The following ADGRV1 variants were observed in gnomAD, a reference collection of about 807,000 sequenced individuals.
ADGRV1 encodes adhesion G protein-coupled receptor V1, also known as G-protein coupled receptor 98.
Under a neutral mutation model 596.2 loss-of-function variants are expected in ADGRV1, and 359 were observed. The ratio of observed to expected loss-of-function variants is 0.60; its 90% CI spans 0.55 to 0.66. ADGRV1 has a LOEUF of 0.66. Ranked by LOEUF, ADGRV1 falls within the 30% of genes least tolerant of loss-of-function variation. ADGRV1 has a pLI of 0.00. For synonymous variants in ADGRV1, 2,681 were observed against 2,679.2 expected, an observed-to-expected ratio of 1.00 and a Z score of -0.02; for missense variants, 7,274 against 7,575.6, an observed-to-expected ratio of 0.96 and a Z score of 1.48.
intron 86 of ADGRV1, among the ~76,000 whole-genome samples, chr5:91,078,743 ATG>A (rs1255674611): frequency 1.3e-5 from 2 of 152,218 alleles, no homozygotes; most frequent in Non-Finnish European, 2.9e-5. Context: ...AGACATGGAC[ATG>A]TGAGTGAAGA....
chr5:90,684,710 G>A (rs759722673), intron 28 of ADGRV1, among the ~76,000 whole-genome samples: 1 of 152,026 alleles, frequency 6.6e-6, no homozygotes, highest in Non-Finnish European at 1.5e-5. Flanking sequence ...ATTTACAAGC[G>A]TCTCACCTCC....
chr5:90,704,028 A>G (rs970583603), intron 35 of ADGRV1, among the ~76,000 whole-genome samples: 20 of 152,150 alleles, frequency 1.3e-4, no homozygotes, highest in African/African-American at 4.8e-4. Context: ...TGGACTTTTA[A>G]TGACTAGTGT....
chr5:90,616,925 C>A (rs1368232461), intron 2 of ADGRV1, among the ~76,000 whole-genome samples: 1 of 152,214 alleles, frequency 6.6e-6, no homozygotes, highest in Non-Finnish European at 1.5e-5. Context: ...AACCACCATT[C>A]TACTCTCTAC....
At chr5:90,991,967 C>T (rs1436472626) in intron 85 of ADGRV1, among the ~76,000 whole-genome samples, 1 of 152,204 alleles carries the variant, frequency 6.6e-6, no homozygotes, top group Non-Finnish European at 1.5e-5. Flanking sequence ...TTGTCAGGAT[C>T]TCTTCATGCA....
At chr5:90,628,047 TAG>T in intron 7 of ADGRV1, 1 of 244,188 alleles carries the variant, frequency 4.1e-6, no homozygotes, top group Non-Finnish European at 7.8e-6. Context: ...ATTCATAGTA[TAG>T]TAGTTCCCTA....
intron 1 of ADGRV1, among the ~76,000 whole-genome samples, chr5:90,595,610 G>C (rs1180532549): frequency 9.4e-5 from 12 of 127,492 alleles, no homozygotes; most frequent in South Asian, 5.1e-4. Flanking sequence ...GCCGGGCGGG[G>C]GGCTGACCCC....
chr5:90,598,036 T>A (rs1049415821), intron 1 of ADGRV1, among the ~76,000 whole-genome samples: 2 of 152,228 alleles, frequency 1.3e-5, no homozygotes, highest in Non-Finnish European at 2.9e-5. Flanking sequence ...TGTATGAAGA[T>A]ATACTATTCA....
chr5:90,578,411 C>T (rs977346302), intron 1 of ADGRV1, among the ~76,000 whole-genome samples: 2 of 152,100 alleles, frequency 1.3e-5, no homozygotes, highest in Non-Finnish European at 2.9e-5. Context: ...TGATGGATTA[C>T]GTTTATTGAT....
At chr5:91,112,308 T>C (rs1358504315) in intron 87 of ADGRV1, among the ~76,000 whole-genome samples, 1 of 152,240 alleles carries the variant, frequency 6.6e-6, no homozygotes, top group Non-Finnish European at 1.5e-5. Flanking sequence ...CTGCTCTAAT[T>C]CGTGCTATCT....
At chr5:90,964,044 T>G (rs1778248101) in intron 83 of ADGRV1, among the ~76,000 whole-genome samples, 1 of 151,992 alleles carries the variant, frequency 6.6e-6, no homozygotes, top group South Asian at 2.1e-4. Context: ...TCACTGCAGA[T>G]CCTAATGAAT....
intron 85 of ADGRV1, among the ~76,000 whole-genome samples, chr5:90,990,728 C>T (rs181660243): frequency 1.1e-4 from 17 of 152,252 alleles, no homozygotes; most frequent in African/African-American, 3.6e-4. Context: ...TATAATTGGA[C>T]GGTGCTTAAA....
chr5:90,918,415 G>T (rs1006222230), intron 83 of ADGRV1, among the ~76,000 whole-genome samples: 1 of 152,100 alleles, frequency 6.6e-6, no homozygotes, highest in Non-Finnish European at 1.5e-5. Flanking sequence ...TCAATGTTCG[G>T]GCTATTTTCA....
intron 77 of ADGRV1, among the ~76,000 whole-genome samples, chr5:90,831,266 T>G (rs1385103306): frequency 2.0e-5 from 3 of 150,034 alleles, no homozygotes; most frequent in African/African-American, 5.0e-5. Context: ...CACATACGTA[T>G]ATATACATAT....
In ADGRV1 at chr5:90,763,313, T is replaced by G; in HGVS notation, c.12129T>G (p.Ile4043Met). 8 of 1,564,280 alleles carry G rather than the reference T, an allele frequency of 5.1e-6. No individual in the cohort carries two copies. Among genetic ancestry groups the G allele is most frequent in the Non-Finnish European group, 7.0e-6 (8 of 1,147,598 alleles). The change falls in exon 59 of 90, where the codon ATT (isoleucine) becomes ATG (methionine). Residue 4043 changes from isoleucine (I) to methionine (M), a missense_variant. Ile to Met is a conservative substitution (Grantham distance 10, BLOSUM62 1). Around this residue, in one of 5 missense-constraint regions of ADGRV1, gnomAD observed 3,643 missense variants for 3,809.2 expected, o/e 0.96. Transcript: ENST00000405460. ...GAATTTTCTTCTTTCAGGTAATGAT[T>G]GATGAATCCCTTTCATCCGATGACC... is the stretch of plus-strand genomic sequence containing the variant. ...VFGFEEKTVM[I>M]DESLSSDDPD... is the part of the protein sequence containing the mutation.
chr5:90,792,634 A>G (rs574010134), intron 70 of ADGRV1: 2 of 152,358 alleles, frequency 1.3e-5, no homozygotes, highest in East Asian at 3.9e-4. Context: ...TTCCTACAGC[A>G]TATTTCTGGT....
chr5:91,085,063 A>G (rs1789742709), intron 86 of ADGRV1, among the ~76,000 whole-genome samples: 1 of 152,150 alleles, frequency 6.6e-6, no homozygotes, highest in Admixed American at 6.5e-5. Flanking sequence ...GGAACATCAC[A>G]CACCGGGGCC....
At chr5:90,892,097 T>G (rs530697737) in intron 83 of ADGRV1, among the ~76,000 whole-genome samples, 3 of 152,078 alleles carry the variant, frequency 2.0e-5, no homozygotes, top group Non-Finnish European at 4.4e-5. Context: ...ATAGAATCTT[T>G]CATGGAACTA....
intron 78 of ADGRV1, among the ~76,000 whole-genome samples, chr5:90,847,555 C>T (rs187435768): frequency 2.0e-5 from 3 of 152,326 alleles, no homozygotes; most frequent in Non-Finnish European, 4.4e-5. Flanking sequence ...GACTGGGTGC[C>T]CTGGAGCAGG....
chr5:90,746,489 T>C (rs545951587), intron 52 of ADGRV1, among the ~76,000 whole-genome samples: 2 of 152,306 alleles, frequency 1.3e-5, no homozygotes, highest in African/African-American at 4.8e-5. Flanking sequence ...ATATTTTTCA[T>C]ATGAGGAAAA....
Sources: gnomAD v4.1 joint callset for allele counts (sites outside exome capture counted in the v4.1 genomes callset) on GRCh38, gnomAD v4.1.1 for gene constraint, gnomAD v4.1.1 regional missense constraint, MANE v1.5 for transcripts, NCBI Gene and HGNC (gene_info 2026-07-23, HGNC 2026-07-21) for gene names.